The following RIMS2 variants were observed in gnomAD, a reference collection of about 807,000 sequenced individuals.
RIMS2 encodes regulating synaptic membrane exocytosis protein 2.
RIMS2 carries 59 observed loss-of-function variants against 174.4 expected under a neutral mutation model. The ratio of observed to expected loss-of-function variants is 0.34; its 90% CI spans 0.27 to 0.42. The LOEUF (loss-of-function observed/expected upper bound fraction) is 0.42, where lower values mean the gene tolerates loss of function less well. Among genes scored for constraint, RIMS2 ranks in the 10% least tolerant of loss-of-function variants. The probability of loss-of-function intolerance (pLI) is 1.00; values close to 1 mark genes in which losing one functional copy is unlikely to be tolerated. For missense variants in RIMS2, 1,620 were observed against 1,666.3 expected, an observed-to-expected ratio of 0.97 and a Z score of 0.48; for synonymous variants, 606 against 572.5, an observed-to-expected ratio of 1.06 and a Z score of -0.84.
chr8:104,027,247 A>G (rs549029050), intron 19 of RIMS2, among the ~76,000 whole-genome samples: 1 of 152,328 alleles, frequency 6.6e-6, no homozygotes, highest in Admixed American at 6.5e-5. Flanking sequence ...TCCTCTCCCC[A>G]TTCATAATCC....
exon 9 of RIMS2, chr8:103,918,462 T>G (rs770142547): frequency 6.2e-7 from 1 of 1,603,612 alleles, no homozygotes; most frequent in Admixed American, 1.7e-5. Context: ...GAATACCTGA[T>G]AGCACACATG....
chr8:103,550,724 A>G (rs900344095), intron 1 of RIMS2, among the ~76,000 whole-genome samples: 5 of 152,188 alleles, frequency 3.3e-5, no homozygotes, highest in Non-Finnish European at 7.3e-5. Flanking sequence ...ACTAATAAAG[A>G]AGAAAAGAGA....
intron 1 of RIMS2, 53 bp from the exon 4 acceptor site, chr8:103,697,033 C>T: frequency 1.9e-6 from 2 of 1,052,854 alleles, no homozygotes; most frequent in Non-Finnish European, 2.9e-6. Flanking sequence ...GATAATTTTT[C>T]CTTTAGAGAT....
intron 19 of RIMS2, among the ~76,000 whole-genome samples, chr8:104,025,522 G>A (rs535591850): frequency 4.7e-4 from 71 of 152,094 alleles, no homozygotes; most frequent in Admixed American, 3.0e-3. Context: ...TTTGAAGTTG[G>A]GAAGATGAAG....
At chr8:104,100,543 G>T (rs1426247897) in intron 19 of RIMS2, among the ~76,000 whole-genome samples, 1 of 151,906 alleles carries the variant, frequency 6.6e-6, no homozygotes, top group East Asian at 1.9e-4. Flanking sequence ...TAAAGAAACA[G>T]CAATAGCCAT....
chr8:103,868,897 A>G (rs752602878), intron 3 of RIMS2, among the ~76,000 whole-genome samples: 6 of 152,184 alleles, frequency 3.9e-5, no homozygotes, highest in Non-Finnish European at 7.4e-5. Context: ...AAGCATTATC[A>G]TTATTAATTT....
chr8:103,881,090 TCTA>T (rs1471647455), intron 3 of RIMS2, among the ~76,000 whole-genome samples: 1 of 151,510 alleles, frequency 6.6e-6, no homozygotes, highest in African/African-American at 2.4e-5. Context: ...TTTAATGATC[TCTA>T]CTAATAATGC....
chr8:103,516,408 T>A (rs1349900072), intron 1 of RIMS2, among the ~76,000 whole-genome samples: 1 of 152,148 alleles, frequency 6.6e-6, no homozygotes, highest in Non-Finnish European at 1.5e-5. Context: ...GCAGTCCCTT[T>A]ACTGAACTTA....
In RIMS2 at chr8:104,041,373, CT is replaced by C; in HGVS notation, c.3334+26765del. On this transcript the variant is annotated intron_variant, in intron 19 of 23. Coordinates refer to ENST00000504942, the Ensembl canonical transcript of RIMS2. The stretch of plus-strand genomic sequence containing the variant: ...AAGATATGCAGGTCTGTCTCTTCTG[CT>C]TTTTTTGTTATTATTTTATTTATCT... The C allele has an allele frequency of 1.2e-5, 8 of 685,634 alleles. No individual in the cohort carries two copies. Among genetic ancestry groups the C allele is most frequent in the South Asian group, 4.7e-5 (3 of 64,290 alleles). 42.5% of individuals were successfully genotyped at this position (685,634 alleles called of 1,614,324 possible).
At chr8:103,918,917 G>C (rs1025006290) in intron 9 of RIMS2, among the ~76,000 whole-genome samples, 1 of 152,070 alleles carries the variant, frequency 6.6e-6, no homozygotes, top group African/African-American at 2.4e-5. Context: ...TAAGTGGGGG[G>C]AAATGCTTGG....
chr8:104,094,750 G>T (rs538713151), intron 19 of RIMS2: 5 of 641,168 alleles, frequency 7.8e-6, no homozygotes, highest in South Asian at 1.9e-5. Flanking sequence ...TTATTTGTAG[G>T]CATTTCCCAT....
intron 19 of RIMS2, among the ~76,000 whole-genome samples, chr8:104,108,394 A>T (rs11986611): frequency 1.0e-3 from 154 of 151,878 alleles, no homozygotes; most frequent in Non-Finnish European, 1.7e-3. Context: ...TTGGCTCAAG[A>T]GATCTTCCTG....
At chr8:103,559,314 T>C (rs751528999) in intron 1 of RIMS2, 13 of 210,736 alleles carry the variant, frequency 6.2e-5, no homozygotes, top group Non-Finnish European at 9.7e-5. Context: ...ATCTCTTCCA[T>C]TTTCTGCCTC....
chr8:103,881,973 A>G (rs2099169452), intron 3 of RIMS2, among the ~76,000 whole-genome samples: 1 of 151,496 alleles, frequency 6.6e-6, no homozygotes, highest in Non-Finnish European at 1.5e-5. Context: ...CCACAAATAC[A>G]TTTTATACTA....
intron 19 of RIMS2, among the ~76,000 whole-genome samples, chr8:104,242,673 A>C (rs2139929440): frequency 6.6e-6 from 1 of 152,332 alleles, no homozygotes; most frequent in Middle Eastern, 3.4e-3. Flanking sequence ...TGTCTATCAT[A>C]TACCTTGTTA....
intron 19 of RIMS2, among the ~76,000 whole-genome samples, chr8:104,170,639 C>A (rs2098826690): frequency 6.6e-6 from 1 of 151,886 alleles, no homozygotes; most frequent in African/African-American, 2.4e-5. Context: ...TAAGTAGAGC[C>A]TTTAGGCCAG....
chr8:103,880,663 C>G, intron 3 of RIMS2: 1 of 534,296 alleles, frequency 1.9e-6, no homozygotes, highest in East Asian at 3.1e-5. Context: ...GCTTCATGCT[C>G]GACAGATGTG....
chr8:104,232,050 A>G (rs2099232982), intron 19 of RIMS2, among the ~76,000 whole-genome samples: 1 of 152,184 alleles, frequency 6.6e-6, no homozygotes, highest in Admixed American at 6.5e-5. Context: ...TTGCATTATT[A>G]TTTGTGTACT....
chr8:103,885,909 G>A, exon 4 of RIMS2: 5 of 1,612,950 alleles, frequency 3.1e-6, no homozygotes, highest in Non-Finnish European at 4.2e-6. Flanking sequence ...CCTACCCCCA[G>A]GAGGAGTCCA....
Sources: gnomAD v4.1 joint callset for allele counts (sites outside exome capture counted in the v4.1 genomes callset) on GRCh38, gnomAD v4.1.1 for gene constraint, MANE v1.5 for transcripts, NCBI Gene and HGNC (gene_info 2026-07-23, HGNC 2026-07-21) for gene names.